Variants in STK26 observed in about 807,000 individuals in gnomAD.
STK26 encodes the protein serine/threonine kinase 26.
Under a neutral mutation model 34.7 loss-of-function variants are expected in STK26, and 14 were observed. The observed-to-expected ratio is 0.40, with a 90% confidence interval of 0.27 to 0.63. The LOEUF is 0.63. Ranked by LOEUF, STK26 falls within the 30% of genes least tolerant of loss-of-function variation. The pLI is 0.38. For synonymous variants in STK26, 100 were observed against 109.8 expected (o/e 0.91, Z 0.56); for missense variants, 226 against 309.1 (o/e 0.73, Z 2.02).
In STK26 at chrX:132,054,788, T is replaced by G; in HGVS notation, c.200T>G (p.Ile67Ser). ...LEEAEDEIED[I>S]QQEITVLSQC... Reference sequence around the variant, plus strand: ...GAAGCCGAAGATGAAATAGAAGACATTCAGCAAGAAATAACTGTCTTGAGT... The same window carrying G: ...GAAGCCGAAGATGAAATAGAAGACAGTCAGCAAGAAATAACTGTCTTGAGT... The change falls in exon 3 of 12, where the codon ATT becomes AGT. Residue 67 changes from isoleucine (I) to serine (S), a missense_variant. Ile to Ser is a moderately radical substitution (Grantham distance 142). Coordinates refer to ENST00000394334, the MANE Select transcript of STK26 (RefSeq NM_016542.4). 8.3e-7 allele frequency: 1 copy of G among 1,211,605 alleles called. No individual in the cohort carries two copies. The highest frequency in any genetic ancestry group is 1.1e-6 in the Non-Finnish European group (1 of 895,303).
At chrX:132,024,159 A>G (rs1358026907) in intron 2 of STK26, among the ~76,000 whole-genome samples, 1 of 110,534 alleles carries the variant, frequency 9.0e-6, no homozygotes, top group Non-Finnish European at 1.9e-5. Context: ...GAGAGAGGTG[A>G]CCTCTTTCTC....
intron 2 of STK26, among the ~76,000 whole-genome samples, chrX:132,037,261 T>C (rs1926086927): frequency 8.9e-6 from 1 of 112,113 alleles, no homozygotes; most frequent in African/African-American, 3.2e-5. Context: ...ACTTTTATTG[T>C]AACACATGTT....
chrX:132,063,878 ATGTT>A (rs1243018030), intron 4 of STK26, among the ~76,000 whole-genome samples: 1 of 111,767 alleles, frequency 8.9e-6, no homozygotes, highest in African/African-American at 3.3e-5. Context: ...TATGAACTGA[ATGTT>A]TGTGTCCCCC....
Position 132,074,856 on chromosome X carries a change from G to A in STK26, c.*697G>A, listed in dbSNP as rs185717782. On this transcript the variant is annotated 3_prime_UTR_variant, in exon 12 of 12. Transcript: ENST00000394334. ...GGCAATTTTACCCTTATTTCACATGGTTAGAAATTTAAAGCAAGATCATTT... is the reference window on the plus strand; with the variant it reads ...GGCAATTTTACCCTTATTTCACATGATTAGAAATTTAAAGCAAGATCATTT... 1 of 111,157 alleles carries A rather than the reference G, an allele frequency of 9.0e-6. No homozygotes were observed. The highest frequency in any genetic ancestry group is 1.9e-5 in the Non-Finnish European group (1 of 52,812). The allele number at this position is 111,157 out of a possible 1,213,427, so 9.2% of individuals were successfully genotyped here.
intron 2 of STK26, among the ~76,000 whole-genome samples, chrX:132,028,783 TTCTTTACTTAACA>T (rs1925712919): frequency 9.2e-6 from 1 of 109,287 alleles, no homozygotes; most frequent in African/African-American, 3.3e-5. Context: ...GATGGGGGGA[TTCTTTACTTAACA>T]GTCATCCGGA....
At position 132,069,526 on chromosome X, in the gene STK26, G is replaced by A. The variant is rs1383136302; in HGVS notation, c.646G>A (p.Glu216Lys). The A allele has an allele frequency of 2.6e-6, 3 of 1,161,537 alleles. No individual in the cohort carries two copies. Among genetic ancestry groups the A allele is most frequent in the South Asian group, 4.1e-5 (2 of 48,336 alleles). ...TACTGCTATTGAACTAGCCAAGGGA[G>A]AGCCACCTAACTCCGATATGCATCC... ...GITAIELAKGEPPNSDMHPMR... is the reference protein window; with the variant it reads ...GITAIELAKGKPPNSDMHPMR... The change falls in exon 7 of 12, where the codon GAG becomes AAG. Residue 216 changes from glutamate to lysine, a missense_variant. Glu to Lys is a moderately conservative substitution (Grantham distance 56, BLOSUM62 1). Around this residue, in one of 2 missense-constraint regions of STK26, gnomAD observed 100 missense variants for 176.7 expected, o/e 0.57. Coordinates refer to ENST00000394334, the MANE Select transcript of STK26 (RefSeq NM_016542.4).
chrX:132,067,978 C>T (rs1177422127), intron 4 of STK26, among the ~76,000 whole-genome samples: 1 of 111,100 alleles, frequency 9.0e-6, no homozygotes, highest in Non-Finnish European at 1.9e-5. Context: ...TAAAAGGGCT[C>T]GTATTATCTT....
In STK26 at chrX:132,023,423, G is replaced by A. The variant is rs769252389; in HGVS notation, c.-111+16G>A. The A allele has an allele frequency of 7.1e-6, 4 of 566,803 alleles. No individual in the cohort carries two copies. The highest frequency in any genetic ancestry group is 7.0e-5 in the South Asian group (3 of 42,805). 46.7% of individuals were successfully genotyped at this position (566,803 alleles called of 1,213,427 possible). ...CGCCAGAAAGGTAGACTGAGTCCCA[G>A]GGAGCTGCGCCGCTAACAGCCCACC... On this transcript the variant is annotated intron_variant, in intron 1 of 11. Transcript: ENST00000394334.
At chrX:132,054,935 G>T in intron 3 of STK26, 74 bp downstream of exon 3, 1 of 909,382 alleles carries the variant, frequency 1.1e-6, no homozygotes. Context: ...TTTTTTGAAA[G>T]GCAATGTCTT....
intron 3 of STK26, among the ~76,000 whole-genome samples, chrX:132,062,300 A>G (rs1350650501): frequency 8.9e-6 from 1 of 112,227 alleles, no homozygotes; most frequent in African/African-American, 3.2e-5. Flanking sequence ...TGTCCCTTGT[A>G]TTTAAGCTAT....
At chrX:132,052,611 T>C (rs1246383531) in intron 2 of STK26, among the ~76,000 whole-genome samples, 8 of 111,992 alleles carry the variant, frequency 7.1e-5, no homozygotes, top group Non-Finnish European at 1.5e-4. Flanking sequence ...CAAGAACCCA[T>C]TTATTGTAGG....
At chrX:132,033,922 G>A (rs1602744630) in intron 2 of STK26, among the ~76,000 whole-genome samples, 1 of 109,787 alleles carries the variant, frequency 9.1e-6, no homozygotes, top group East Asian at 2.8e-4. Flanking sequence ...TCCCAAGGAA[G>A]ACTGGAGTAA....
rs755403402 is a variant in STK26 at position 132,037,769 on chromosome X, C to CTTTTTTTTTTTTTTTTTTTTTTTT, written c.42+14133_42+14134insTTTTTTTTTTTTTTTTTTTTTTTT. On this transcript the variant is annotated intron_variant, in intron 2 of 11. Coordinates refer to ENST00000394334, the MANE Select transcript of STK26 (RefSeq NM_016542.4). Reference sequence around the variant, plus strand: ...ACAAAGTCTTGTAACCGGAGAGCTGCTTTTTTTTTTTTTTTTTTTTTTTAA... The same window carrying CTTTTTTTTTTTTTTTTTTTTTTTT: ...ACAAAGTCTTGTAACCGGAGAGCTGCTTTTTTTTTTTTTTTTTTTTTTTTTTTTTTTTTTTTTTTTTTTTTTTAA... 2.5e-4 allele frequency among the ~76,000 whole-genome samples: 13 copies of CTTTTTTTTTTTTTTTTTTTTTTTT among 51,858 alleles called. 1 individual carries two copies. Among genetic ancestry groups the CTTTTTTTTTTTTTTTTTTTTTTTT allele is most frequent in the African/African-American group, 1.1e-3 (12 of 11,375 alleles). 45.0% of individuals were successfully genotyped at this position (51,858 alleles called of 115,157 possible).
intron 2 of STK26, among the ~76,000 whole-genome samples, chrX:132,039,133 G>A (rs923157743): frequency 9.0e-6 from 1 of 111,098 alleles, no homozygotes; most frequent in Non-Finnish European, 1.9e-5. Context: ...GGGTCAATCT[G>A]TATAACTAGA....
intron 2 of STK26, among the ~76,000 whole-genome samples, chrX:132,052,919 T>C (rs1926735771): frequency 8.9e-6 from 1 of 111,884 alleles, no homozygotes; most frequent in Non-Finnish European, 1.9e-5. Context: ...AGCTATGTAG[T>C]AAGTATTTTT....
intron 3 of STK26, 104 bp from the exon 4 acceptor site, chrX:132,063,329 C>T (rs1927118926): frequency 1.4e-6 from 1 of 695,065 alleles, no homozygotes; most frequent in Admixed American, 2.9e-5. Context: ...TAAATGAGAA[C>T]ATGCAAATAG....
chrX:132,048,337 C>G (rs1054814246), intron 2 of STK26, among the ~76,000 whole-genome samples: 1 of 111,529 alleles, frequency 9.0e-6, no homozygotes, highest in Non-Finnish European at 1.9e-5. Context: ...TTTTCAAATT[C>G]TTTAAGCATT....
intron 2 of STK26, among the ~76,000 whole-genome samples, chrX:132,027,890 C>G (rs1935135142): frequency 1.8e-5 from 2 of 109,045 alleles, no homozygotes; most frequent in Non-Finnish European, 3.8e-5. Flanking sequence ...CGGTCTCACT[C>G]TGTCACCCAG....
intron 3 of STK26, among the ~76,000 whole-genome samples, chrX:132,063,208 C>T (rs1190740944): frequency 9.0e-6 from 1 of 110,951 alleles, no homozygotes; most frequent in Non-Finnish European, 1.9e-5. Flanking sequence ...TTTTTGTACC[C>T]ATTAACCATC....
Sources: allele counts gnomAD v4.1 joint callset (sites outside exome capture counted in the v4.1 genomes callset), GRCh38; gene constraint gnomAD v4.1.1; regional missense constraint gnomAD v4.1.1; transcripts MANE v1.5; gene names NCBI Gene and HGNC (gene_info 2026-07-23, HGNC 2026-07-21).